NAV3: variants seen among roughly 807,000 people sequenced by gnomAD.
The protein encoded by NAV3 is neuron navigator 3, also known as pore membrane and/or filament interacting like protein 1.
A neutral mutation model predicts 244.7 loss-of-function variants in NAV3; 87 were observed. That is an observed-to-expected ratio of 0.36 (90% CI 0.30 to 0.42). NAV3 has a LOEUF of 0.42. Among genes scored for constraint, NAV3 ranks in the 20% least tolerant of loss-of-function variants. The pLI is 1.00. For synonymous variants in NAV3, 1,126 were observed against 1,042.2 expected (o/e 1.08, Z -1.55); for missense variants, 2,663 against 2,893.3 (o/e 0.92, Z 1.83).
intron 34 of NAV3, among the ~76,000 whole-genome samples, chr12:78,191,272 T>C (rs1382055577): frequency 6.6e-6 from 1 of 152,140 alleles, no homozygotes; most frequent in Non-Finnish European, 1.5e-5. Flanking sequence ...ACTAAATAAA[T>C]GAGTGTGTAT....
At chr12:78,062,269 T>C (rs1202725820) in intron 12 of NAV3, among the ~76,000 whole-genome samples, 3 of 152,094 alleles carry the variant, frequency 2.0e-5, no homozygotes, top group African/African-American at 7.2e-5. Flanking sequence ...TTATAACATA[T>C]AGAAATGTGA....
intron 1 of NAV3, among the ~76,000 whole-genome samples, chr12:77,917,515 A>G (rs984064654): frequency 2.0e-5 from 3 of 152,070 alleles, no homozygotes; most frequent in Non-Finnish European, 2.9e-5. Flanking sequence ...TTAAGATTAT[A>G]TAGCAATATG....
chr12:77,643,774 T>G (rs973196799), intron 2 of NAV3, among the ~76,000 whole-genome samples: 4 of 152,190 alleles, frequency 2.6e-5, no homozygotes, highest in South Asian at 2.1e-4. Flanking sequence ...ACATTTCCTA[T>G]TAATCATTTT....
At chr12:77,624,684 G>T (rs1871538796) in intron 2 of NAV3, among the ~76,000 whole-genome samples, 1 of 152,090 alleles carries the variant, frequency 6.6e-6, no homozygotes, top group South Asian at 2.1e-4. Context: ...TGACTCCAAA[G>T]TTTATACATT....
At chr12:77,711,165 G>A (rs1876094266) in intron 2 of NAV3, among the ~76,000 whole-genome samples, 1 of 152,146 alleles carries the variant, frequency 6.6e-6, no homozygotes, top group Non-Finnish European at 1.5e-5. Flanking sequence ...TGAAATATCA[G>A]ACCCACTTAG....
chr12:78,144,450 G>A (rs1354194449), intron 20 of NAV3, among the ~76,000 whole-genome samples: 3 of 151,642 alleles, frequency 2.0e-5, no homozygotes, highest in African/African-American at 7.3e-5. Context: ...CCACACCTAA[G>A]CTACTGAAAA....
chr12:77,728,774 A>G (rs1017967886), intron 2 of NAV3, among the ~76,000 whole-genome samples: 2 of 151,862 alleles, frequency 1.3e-5, no homozygotes, highest in African/African-American at 2.4e-5. Context: ...TTTGAACTAC[A>G]CGGGTCCACT....
intron 1 of NAV3, among the ~76,000 whole-genome samples, chr12:77,853,962 A>G (rs1443913066): frequency 6.6e-6 from 1 of 152,200 alleles, no homozygotes; most frequent in Non-Finnish European, 1.5e-5. Flanking sequence ...TAATTGAGGA[A>G]CTCAGAATTG....
chr12:77,912,517 T>C (rs1255340270), intron 1 of NAV3, among the ~76,000 whole-genome samples: 1 of 152,202 alleles, frequency 6.6e-6, no homozygotes, highest in Non-Finnish European at 1.5e-5. Flanking sequence ...AAGACAGTGA[T>C]CTACATATAC....
In NAV3 at chr12:78,148,822, AT is replaced by A. The variant is rs3214877; in HGVS notation, c.4708-13del. 6.2e-7 allele frequency: 1 copy of A among 1,603,554 alleles called. No homozygotes were observed. Among genetic ancestry groups the A allele is most frequent in the South Asian group, 1.1e-5 (1 of 89,636 alleles). Reference sequence around the variant, plus strand: ...AAAAATCTACTTGCCTATTCCATTGATTTTTTTAATTGCATTCAGCAAATCC... The same window carrying A: ...AAAAATCTACTTGCCTATTCCATTGATTTTTTAATTGCATTCAGCAAATCC... On this transcript the variant is annotated intron_variant, in intron 21 of 39. Coordinates refer to ENST00000397909, the MANE Select transcript of NAV3 (RefSeq NM_001024383.2).
intron 25 of NAV3, 31 bp downstream of exon 25, chr12:78,175,458 G>C (rs1334992709): frequency 2.5e-6 from 4 of 1,599,962 alleles, no homozygotes; most frequent in Non-Finnish European, 3.4e-6. Flanking sequence ...TAATTCAGAA[G>C]CTTATTAATG....
Position 78,119,542 on chromosome 12 carries a change from G to T in NAV3, c.3346G>T (p.Gly1116Cys), listed in dbSNP as rs750175428. The change falls in exon 15 of 40, where the codon GGT (glycine) becomes TGT (cysteine). Residue 1116 changes from glycine to cysteine, a missense_variant. Coordinates refer to ENST00000397909, the MANE Select transcript of NAV3 (RefSeq NM_001024383.2). ...TGCAGGGAGAAAAACCAGTTTGGACGGTTCACAGAATCAGGATGATGTTGT... is the reference window on the plus strand; with the variant it reads ...TGCAGGGAGAAAAACCAGTTTGGACTGTTCACAGAATCAGGATGATGTTGT... ...SNAGRKTSLDGSQNQDDVVLH... is the reference protein window; with the variant it reads ...SNAGRKTSLDCSQNQDDVVLH... 2 of 1,614,008 alleles carry T rather than the reference G, an allele frequency of 1.2e-6. No individual in the cohort carries two copies. Among genetic ancestry groups the T allele is most frequent in the African/African-American group, 1.3e-5 (1 of 74,896 alleles).
intron 2 of NAV3, among the ~76,000 whole-genome samples, chr12:77,656,809 CA>C (rs1422718411): frequency 4.6e-5 from 7 of 151,838 alleles, no homozygotes; most frequent in African/African-American, 1.7e-4. Flanking sequence ...GAAACTCACT[CA>C]AAACCGCTCA....
chr12:78,073,911 A>T (rs1332327451), intron 12 of NAV3, among the ~76,000 whole-genome samples: 2 of 152,226 alleles, frequency 1.3e-5, no homozygotes, highest in African/African-American at 4.8e-5. Context: ...TTTGTGGAAT[A>T]TGTTGGTACA....
intron 20 of NAV3, chr12:78,143,502 A>C (rs909259016): frequency 1.9e-5 from 6 of 318,624 alleles, no homozygotes; most frequent in South Asian, 1.1e-4. Context: ...GTAGTGGCAT[A>C]CGTCTGTAAT....
At chr12:77,863,721 A>C (rs1441495995) in intron 1 of NAV3, among the ~76,000 whole-genome samples, 3 of 140,004 alleles carry the variant, frequency 2.1e-5, no homozygotes, top group Non-Finnish European at 4.9e-5. Flanking sequence ...AATTTCTTAC[A>C]ATGAAAAAAA....
intron 12 of NAV3, among the ~76,000 whole-genome samples, chr12:78,073,193 T>C (rs368749731): frequency 1.5e-5 from 2 of 134,306 alleles, no homozygotes; most frequent in East Asian, 2.2e-4. Flanking sequence ...CCAGGGCAAT[T>C]AGGCAGGAGA....
At chr12:78,124,228 T>G (rs1244581761) in intron 16 of NAV3, among the ~76,000 whole-genome samples, 1 of 152,212 alleles carries the variant, frequency 6.6e-6, no homozygotes, top group African/African-American at 2.4e-5. Flanking sequence ...TATAACCAAG[T>G]AACATTCAAA....
intron 2 of NAV3, among the ~76,000 whole-genome samples, chr12:77,797,500 T>C (rs994329589): frequency 1.3e-5 from 2 of 151,022 alleles, no homozygotes; most frequent in African/African-American, 4.9e-5. Context: ...TTTACCTAAG[T>C]CTTAAACGTA....
Sources: gnomAD v4.1 joint callset for allele counts (sites outside exome capture counted in the v4.1 genomes callset) on GRCh38, gnomAD v4.1.1 for gene constraint, MANE v1.5 for transcripts, NCBI Gene and HGNC (gene_info 2026-07-23, HGNC 2026-07-21) for gene names.